NLRP11: variants seen among roughly 807,000 people sequenced by gnomAD.
NLRP11 encodes the protein NLR family pyrin domain containing 11.
A neutral mutation model predicts 79.3 loss-of-function variants in NLRP11; 53 were observed. The observed-to-expected ratio is 0.67, with a 90% CI of 0.54 to 0.84. The LOEUF (loss-of-function observed/expected upper bound fraction) is 0.84. Among genes scored for constraint, NLRP11 ranks in the 40% least tolerant of loss-of-function variants. The pLI is 0.00. For synonymous variants in NLRP11, 518 were observed against 462.6 expected, an observed-to-expected ratio of 1.12 and a Z score of -1.54; for missense variants, 1,264 against 1,255.0, an observed-to-expected ratio of 1.01 and a Z score of -0.11.
At chr19:55,798,404 T>C (rs1979149212) in intron 5 of NLRP11, 1 of 904,178 alleles carries the variant, frequency 1.1e-6, no homozygotes, top group Non-Finnish European at 1.3e-6. Flanking sequence ...CAAACTAACA[T>C]AAGGACAGAA....
At chr19:55,788,443 G>C (rs1208499882) in intron 9 of NLRP11, among the ~76,000 whole-genome samples, 1 of 148,250 alleles carries the variant, frequency 6.7e-6, no homozygotes, top group Non-Finnish European at 1.5e-5. Flanking sequence ...TCTCAACACA[G>C]AATTTTCCCC....
At position 55,789,531 on chromosome 19, in the gene NLRP11, T is replaced by G. The variant is rs951843107; in HGVS notation, c.2514-132A>C. 6 of 761,276 alleles carry G rather than the reference T, an allele frequency of 7.9e-6. No homozygotes were observed. The Admixed American group carries it at 1.4e-4, about 17-fold the overall frequency. 47.2% of individuals were successfully genotyped at this position (761,276 alleles called of 1,614,324 possible). A position where few individuals can be genotyped will look rare whatever the true frequency, so the allele number is the denominator to read the frequency against. On this transcript the variant is annotated intron_variant, in intron 7 of 9. Coordinates refer to ENST00000589093, the Ensembl canonical transcript of NLRP11. Reference sequence around the variant, plus strand: ...GGACTGCTTACAGAAACAAGAGCAGTGTTAACATCTACAGGTCACTTACAA... The same window carrying G: ...GGACTGCTTACAGAAACAAGAGCAGGGTTAACATCTACAGGTCACTTACAA...
At chr19:55,813,091 G>A (rs1456228349) in intron 2 of NLRP11, among the ~76,000 whole-genome samples, 1 of 152,104 alleles carries the variant, frequency 6.6e-6, no homozygotes, top group Non-Finnish European at 1.5e-5. Context: ...ACTTTGGGAG[G>A]CGAAGGCGGG....
At chr19:55,805,691 C>T (rs1407531385) in intron 4 of NLRP11, among the ~76,000 whole-genome samples, 4 of 152,116 alleles carry the variant, frequency 2.6e-5, no homozygotes, top group African/African-American at 4.8e-5. Flanking sequence ...AGTTGCATGC[C>T]GCCACACCCG....
At chr19:55,795,996 C>T (rs1978808232) in intron 6 of NLRP11, 84 bp downstream of exon 6, 2 of 1,260,524 alleles carry the variant, frequency 1.6e-6, no homozygotes, top group Admixed American at 1.9e-5. Flanking sequence ...CTGTCCCTTT[C>T]CCCACCACTG....
At chr19:55,788,741 CAAAAAAAAAA>C (rs58239530) in intron 9 of NLRP11, 56 bp downstream of exon 9, 180 of 380,232 alleles carry the variant, frequency 4.7e-4, no homozygotes, top group East Asian at 5.8e-4. Flanking sequence ...CTCTGTCTCT[CAAAAAAAAAA>C]AAAAAAAAAA....
At chr19:55,803,982 T>C (rs1406707046) in intron 4 of NLRP11, among the ~76,000 whole-genome samples, 3 of 152,196 alleles carry the variant, frequency 2.0e-5, no homozygotes, top group Admixed American at 1.3e-4. Flanking sequence ...CTCAGGAGGC[T>C]GAGGCAGAAC....
chr19:55,813,931 A>T (rs1265458117), intron 2 of NLRP11, among the ~76,000 whole-genome samples: 2 of 152,168 alleles, frequency 1.3e-5, no homozygotes, highest in Non-Finnish European at 2.9e-5. Context: ...GTAAAAATGT[A>T]AAGGGTAATA....
intron 4 of NLRP11, among the ~76,000 whole-genome samples, chr19:55,805,011 T>C (rs1225959228): frequency 0.074 from 4 of 54 alleles, no homozygotes; most frequent in Non-Finnish European, 0.12. Context: ...TGCAGTGAGC[T>C]GAGATCACGC....
intron 1 of NLRP11, among the ~76,000 whole-genome samples, chr19:55,831,045 C>G (rs1035729279): frequency 2.6e-5 from 4 of 151,622 alleles, no homozygotes; most frequent in South Asian, 2.1e-4. Context: ...ATTCAGCACT[C>G]AAAGTTAAGA....
intron 6 of NLRP11, among the ~76,000 whole-genome samples, chr19:55,793,078 CTG>C (rs1204032647): frequency 6.6e-6 from 1 of 152,128 alleles, no homozygotes; most frequent in Non-Finnish European, 1.5e-5. Context: ...GGGGGTCTCA[CTG>C]TGTTGCCCAG....
intron 1 of NLRP11, among the ~76,000 whole-genome samples, chr19:55,818,636 T>C (rs542535667): frequency 5.3e-5 from 8 of 152,152 alleles, no homozygotes; most frequent in African/African-American, 1.9e-4. Flanking sequence ...TCCTCTATGT[T>C]AGAATAATCT....
intron 4 of NLRP11, among the ~76,000 whole-genome samples, chr19:55,802,964 T>A (rs532325738): frequency 6.6e-6 from 1 of 152,212 alleles, no homozygotes; most frequent in Non-Finnish European, 1.5e-5. Context: ...GCTAGTCATA[T>A]GCAGAAGACT....
At chr19:55,807,986 C>T (rs1181159689) in exon 4 of NLRP11, 2 of 1,612,132 alleles carry the variant, frequency 1.2e-6, no homozygotes. Flanking sequence ...GAGCAGATCT[C>T]TCTCCAGTAG....
At chr19:55,830,902 T>G (rs991011998) in intron 1 of NLRP11, among the ~76,000 whole-genome samples, 1 of 152,108 alleles carries the variant, frequency 6.6e-6, no homozygotes, top group Non-Finnish European at 1.5e-5. Flanking sequence ...GACCAGACTT[T>G]CTCAAGCACT....
chr19:55,821,996 C>A (rs903177040), intron 1 of NLRP11, among the ~76,000 whole-genome samples: 12 of 152,196 alleles, frequency 7.9e-5, no homozygotes, highest in Non-Finnish European at 2.9e-5. Flanking sequence ...CAGTGGCTCA[C>A]GCCTGTAATC....
exon 4 of NLRP11, chr19:55,807,936 G>A: frequency 6.2e-7 from 1 of 1,610,878 alleles, no homozygotes; most frequent in South Asian, 1.1e-5. Flanking sequence ...CATTGTCAAA[G>A]ATATGCAGCT....
intron 1 of NLRP11, among the ~76,000 whole-genome samples, chr19:55,829,350 G>T (rs1287421085): frequency 6.6e-6 from 1 of 151,956 alleles, no homozygotes; most frequent in African/African-American, 2.4e-5. Flanking sequence ...GCATTATTAT[G>T]TATTATCAAC....
chr19:55,832,299 CAAT>C (rs1404762477), upstream of NLRP11, among the ~76,000 whole-genome samples: 1 of 152,116 alleles, frequency 6.6e-6, no homozygotes, highest in Admixed American at 6.5e-5. Context: ...AGTTTTCCAC[CAAT>C]AATCTCAATT....
Sources: gnomAD v4.1 joint callset for allele counts (sites outside exome capture counted in the v4.1 genomes callset) on GRCh38, gnomAD v4.1.1 for gene constraint, MANE v1.5 for transcripts, NCBI Gene and HGNC (gene_info 2026-07-23, HGNC 2026-07-21) for gene names.